The following GNB5 variants were observed in gnomAD, a reference collection of about 807,000 sequenced individuals.
GNB5 encodes G protein subunit beta 5, also known as guanine nucleotide-binding protein subunit beta-5.
GNB5 carries 37 observed loss-of-function variants against 55.3 expected under a neutral mutation model. The ratio of observed to expected loss-of-function variants is 0.67; its 90% CI spans 0.51 to 0.88. The LOEUF (loss-of-function observed/expected upper bound fraction) is 0.88, where lower values mean the gene tolerates loss of function less well. Among genes scored for constraint, GNB5 ranks in the 40% least tolerant of loss-of-function variants. The pLI, the probability that GNB5 is intolerant of heterozygous loss-of-function variation, is 0.00. For missense variants in GNB5, 476 were observed against 515.3 expected (o/e 0.92, Z 0.74); for synonymous variants, 219 against 198.5 (o/e 1.10, Z -0.87).
Position 52,124,659 on chromosome 15 carries a change from A to G in GNB5, c.1010-20T>C. On this transcript the variant is annotated intron_variant, in intron 11 of 12. Coordinates refer to ENST00000261837, the MANE Select transcript of GNB5 (RefSeq NM_016194.4). Reference sequence around the variant, plus strand: ...GGCGACCTTGAAGCAGGGTGAGATGATAGCTGTTAAGCCAGTTCCTTGCTT... The same window carrying G: ...GGCGACCTTGAAGCAGGGTGAGATGGTAGCTGTTAAGCCAGTTCCTTGCTT... 1 of 1,608,480 alleles carries G rather than the reference A, an allele frequency of 6.2e-7. No homozygotes were observed. The highest frequency in any genetic ancestry group is 8.5e-7 in the Non-Finnish European group (1 of 1,175,946).
chr15:52,131,348 T>G (rs1489812450), intron 9 of GNB5, among the ~76,000 whole-genome samples: 1 of 152,262 alleles, frequency 6.6e-6, no homozygotes, highest in Non-Finnish European at 1.5e-5. Flanking sequence ...AGAGATGATT[T>G]AAAGTACACG....
intron 1 of GNB5, among the ~76,000 whole-genome samples, chr15:52,186,556 C>T (rs1465176929): frequency 6.6e-6 from 1 of 152,100 alleles, no homozygotes; most frequent in Non-Finnish European, 1.5e-5. Context: ...GTTATGTTGC[C>T]ATTGCTGGAG....
Position 52,147,482 on chromosome 15 carries a change from TG to T in GNB5, c.470del (p.Pro157HisfsTer20). 1 of 1,605,368 alleles carries T rather than the reference TG, an allele frequency of 6.2e-7. No individual in the cohort carries two copies. Among genetic ancestry groups the T allele is most frequent in the Non-Finnish European group, 8.5e-7 (1 of 1,172,052 alleles). On this transcript the variant is annotated frameshift_variant, in exon 6 of 13. Coordinates refer to ENST00000261837, the MANE Select transcript of GNB5 (RefSeq NM_016194.4). LOFTEE classifies it high-confidence loss of function. ...CTWVMACAYA[P>X]SGCAIACGGL... ...ACCCACAAGCAATGGCACATCCCGA[TG>T]GGGCATAAGCACATGCCATCACCCA...
rs1182603616 is a variant in GNB5 at position 52,179,751 on chromosome 15, T to G, written c.238+17A>C. 9 of 1,308,546 alleles carry G rather than the reference T, an allele frequency of 6.9e-6. No homozygotes were observed. The highest frequency in any genetic ancestry group is 9.0e-6 in the Non-Finnish European group (9 of 1,001,378). 81.1% of individuals were successfully genotyped at this position (1,308,546 alleles called of 1,614,324 possible). On this transcript the variant is annotated intron_variant, in intron 3 of 12. Coordinates refer to ENST00000261837, the MANE Select transcript of GNB5 (RefSeq NM_016194.4). Reference sequence around the variant, plus strand: ...GCCGGTCCGGCTTGCCCCGCCCGCCTCCCGGCCCGCACTCACGCTCCACAT... The same window carrying G: ...GCCGGTCCGGCTTGCCCCGCCCGCCGCCCGGCCCGCACTCACGCTCCACAT...
At chr15:52,170,468 C>A (rs2034535221) in intron 3 of GNB5, among the ~76,000 whole-genome samples, 1 of 152,100 alleles carries the variant, frequency 6.6e-6, no homozygotes, top group Non-Finnish European at 1.5e-5. Flanking sequence ...AACCAAACAC[C>A]ACATGTTCTC....
rs1210076112 is a variant in GNB5, at chr15:52,120,129, G to C, written c.*2628C>G. On this transcript the variant is annotated 3_prime_UTR_variant, in exon 13 of 13. Transcript: ENST00000261837. ...CCTGAACTTTCTTTTTTCTGGCCCAGGAGGGGGCTGCCCAAGGCTCTACAC... is the reference window on the plus strand; with the variant it reads ...CCTGAACTTTCTTTTTTCTGGCCCACGAGGGGGCTGCCCAAGGCTCTACAC... 2 of 152,260 alleles carry C rather than the reference G, an allele frequency of 1.3e-5. No homozygotes were observed. The highest frequency in any genetic ancestry group is 4.8e-5 in the African/African-American group (2 of 41,432). 9.4% of individuals were successfully genotyped at this position (152,260 alleles called of 1,614,324 possible).
chr15:52,126,356 G>A (rs2033429972), intron 10 of GNB5, among the ~76,000 whole-genome samples: 1 of 152,094 alleles, frequency 6.6e-6, no homozygotes, highest in Non-Finnish European at 1.5e-5. Flanking sequence ...GTTCACTGTA[G>A]AAAATTTGGA....
At chr15:52,183,173 C>T (rs931237172) in intron 2 of GNB5, among the ~76,000 whole-genome samples, 16 of 152,176 alleles carry the variant, frequency 1.1e-4, no homozygotes, top group African/African-American at 3.4e-4. Context: ...CTAATAGTAG[C>T]GCTAGCTGGC....
rs59668357 is a variant in GNB5, at chr15:52,126,619, TG to T, written c.913-576del. ...TCTATTTAGCCAAACCCTGTTGTTTTGGTTGTGTTTAATTTTTCTTTTTTAT... is the reference window on the plus strand; with the variant it reads ...TCTATTTAGCCAAACCCTGTTGTTTTGTTGTGTTTAATTTTTCTTTTTTAT... On this transcript the variant is annotated intron_variant, in intron 10 of 12. Transcript: ENST00000261837. 1.9e-3 allele frequency among the ~76,000 whole-genome samples: 291 copies of T among 152,250 alleles called. 1 individual carries two copies. Among genetic ancestry groups the T allele is most frequent in the African/African-American group, 6.6e-3 (275 of 41,518 alleles).
Position 52,121,123 on chromosome 15 carries a change from G to C in GNB5, c.*1634C>G, listed in dbSNP as rs1330564960. ...GCTGTGCCCAGCTCCAGCTCTGGAAGAGTCTCTCTGAGGAGCAGGGCCTGG... is the reference window on the plus strand; with the variant it reads ...GCTGTGCCCAGCTCCAGCTCTGGAACAGTCTCTCTGAGGAGCAGGGCCTGG... On this transcript the variant is annotated 3_prime_UTR_variant, in exon 13 of 13. Coordinates refer to ENST00000261837, the MANE Select transcript of GNB5 (RefSeq NM_016194.4). The C allele has an allele frequency of 1.3e-5, 2 of 152,190 alleles. No homozygotes were observed. Among genetic ancestry groups the C allele is most frequent in the African/African-American group, 4.8e-5 (2 of 41,440 alleles). 9.4% of individuals were successfully genotyped at this position (152,190 alleles called of 1,614,324 possible). A position where few individuals can be genotyped will look rare whatever the true frequency, so the allele number is the denominator to read the frequency against.
At chr15:52,149,446 G>A (rs1330827284) in intron 5 of GNB5, 2 of 374,366 alleles carry the variant, frequency 5.3e-6, no homozygotes, top group Non-Finnish European at 9.7e-6. Context: ...TCACAGGGTA[G>A]CTCTGCCCAG....
intron 6 of GNB5, among the ~76,000 whole-genome samples, 184 bp from the exon 7 acceptor site, chr15:52,141,456 C>G (rs1476613297): frequency 6.7e-6 from 1 of 148,916 alleles, no homozygotes; most frequent in Non-Finnish European, 1.5e-5. Flanking sequence ...TAAATAGAGA[C>G]AGGGTCTTGC....
intron 3 of GNB5, among the ~76,000 whole-genome samples, chr15:52,160,481 C>CCATGAAAAA (rs1421619106): frequency 6.6e-6 from 1 of 151,852 alleles, no homozygotes; most frequent in Admixed American, 6.6e-5. Context: ...AATGGAGGAG[C>CCATGAAAAA]CATGAAAACT....
chr15:52,187,803 GC>G (rs2034865919), intron 1 of GNB5, among the ~76,000 whole-genome samples: 1 of 151,972 alleles, frequency 6.6e-6, no homozygotes. Flanking sequence ...ACAAAAATTA[GC>G]CTGGCGTTGT....
Position 52,122,575 on chromosome 15 carries a change from T to C in GNB5, c.*182A>G, listed in dbSNP as rs754663258. 39 of 617,282 alleles carry C rather than the reference T, an allele frequency of 6.3e-5. No individual in the cohort carries two copies. Among genetic ancestry groups the C allele is most frequent in the Non-Finnish European group, 7.2e-5 (25 of 346,612 alleles). 38.2% of individuals were successfully genotyped at this position (617,282 alleles called of 1,614,324 possible). On this transcript the variant is annotated 3_prime_UTR_variant, in exon 13 of 13. Coordinates refer to ENST00000261837, the MANE Select transcript of GNB5 (RefSeq NM_016194.4). ...TTCTCGCAGTGCTGAAGGCTCACAC[T>C]AGTGTATTTCCAGAGGTGACAGTTT...
At position 52,179,748 on chromosome 15, in the gene GNB5, G is replaced by C. The variant is rs1020599347; in HGVS notation, c.238+20C>G. 8.3e-7 allele frequency: 1 copy of C among 1,211,638 alleles called. No homozygotes were observed. The allele number at this position is 1,211,638 out of a possible 1,614,324, so 75.1% of individuals were successfully genotyped here. ...CGAGCCGGTCCGGCTTGCCCCGCCC[G>C]CCTCCCGGCCCGCACTCACGCTCCA... is the stretch of plus-strand genomic sequence containing the variant. On this transcript the variant is annotated intron_variant, in intron 3 of 12. Coordinates refer to ENST00000261837, the MANE Select transcript of GNB5 (RefSeq NM_016194.4).
At position 52,120,515 on chromosome 15, in the gene GNB5, T is replaced by G. The variant is rs2033238996; in HGVS notation, c.*2242A>C. 1 of 152,086 alleles carries G rather than the reference T, an allele frequency of 6.6e-6. No individual in the cohort carries two copies. The highest frequency in any genetic ancestry group is 6.5e-5 in the Admixed American group (1 of 15,268). 9.4% of individuals were successfully genotyped at this position (152,086 alleles called of 1,614,324 possible). On this transcript the variant is annotated 3_prime_UTR_variant, in exon 13 of 13. Transcript: ENST00000261837. Reference sequence around the variant, plus strand: ...TACTTTGCACATATCCTGAAGATGCTCTCCACCTCTCCAAACATGGAACCT... The same window carrying G: ...TACTTTGCACATATCCTGAAGATGCGCTCCACCTCTCCAAACATGGAACCT...
intron 3 of GNB5, among the ~76,000 whole-genome samples, chr15:52,154,488 CAGAG>C (rs1284973572): frequency 6.6e-6 from 1 of 152,170 alleles, no homozygotes; most frequent in African/African-American, 2.4e-5. Flanking sequence ...AACTGAGACT[CAGAG>C]AGGTTATCTG....
At chr15:52,155,337 T>C (rs2034185082) in intron 3 of GNB5, among the ~76,000 whole-genome samples, 1 of 152,308 alleles carries the variant, frequency 6.6e-6, no homozygotes, top group South Asian at 2.1e-4. Flanking sequence ...TCCCTTCAAA[T>C]GGAAGCCTGT....
Sources: gnomAD v4.1 joint callset for allele counts (sites outside exome capture counted in the v4.1 genomes callset) on GRCh38, gnomAD v4.1.1 for gene constraint, MANE v1.5 for transcripts, NCBI Gene and HGNC (gene_info 2026-07-23, HGNC 2026-07-21) for gene names.